Variants in KCNMB2 observed in about 807,000 individuals in gnomAD.
KCNMB2 encodes the protein potassium calcium-activated channel subfamily M regulatory beta subunit 2.
Under a neutral mutation model 24.5 loss-of-function variants are expected in KCNMB2, and 9 were observed. The observed-to-expected ratio is 0.37, with a 90% CI of 0.22 to 0.64. The LOEUF (loss-of-function observed/expected upper bound fraction) is 0.64. Ranked by LOEUF, KCNMB2 falls within the 30% of genes least tolerant of loss-of-function variation. KCNMB2 has a pLI of 0.63. For missense variants in KCNMB2, 226 were observed against 284.3 expected, an observed-to-expected ratio of 0.79 and a Z score of 1.47; for synonymous variants, 109 against 104.4, an observed-to-expected ratio of 1.04 and a Z score of -0.27.
chr3:178,830,782 G>A (rs932470113), intron 4 of KCNMB2, among the ~76,000 whole-genome samples: 13 of 152,070 alleles, frequency 8.5e-5, no homozygotes, highest in Admixed American at 2.0e-4. Context: ...CTGTGGAATT[G>A]TTTCTTCTTT....
intron 1 of KCNMB2, among the ~76,000 whole-genome samples, chr3:178,669,828 G>C (rs1720839950): frequency 6.6e-6 from 1 of 151,992 alleles, no homozygotes; most frequent in Non-Finnish European, 1.5e-5. Context: ...TAAAGGAAGA[G>C]CAGAATTTTA....
At chr3:178,566,418 G>GCACACTTGCACATGTGCACACA (rs1419877367) in intron 1 of KCNMB2, among the ~76,000 whole-genome samples, 2 of 151,816 alleles carry the variant, frequency 1.3e-5, no homozygotes, top group Non-Finnish European at 2.9e-5. Flanking sequence ...AAACACACAC[G>GCACACTTGCACATGTGCACACA]CACACTTGCA....
chr3:178,821,318 C>T (rs1039207458), intron 2 of KCNMB2, among the ~76,000 whole-genome samples: 1 of 152,132 alleles, frequency 6.6e-6, no homozygotes, highest in Non-Finnish European at 1.5e-5. Context: ...TGGCATCATG[C>T]TCCTTCCAAC....
intron 2 of KCNMB2, among the ~76,000 whole-genome samples, chr3:178,812,918 G>A (rs79217413): frequency 1.8e-4 from 27 of 152,168 alleles, no homozygotes; most frequent in Admixed American, 1.7e-3. Context: ...AGTCAGAAGT[G>A]TATTTACTAT....
chr3:178,716,646 T>C (rs1056040231), intron 1 of KCNMB2, among the ~76,000 whole-genome samples: 2 of 152,126 alleles, frequency 1.3e-5, no homozygotes, highest in Non-Finnish European at 1.5e-5. Flanking sequence ...TTTTGCCATG[T>C]TGGCCAGGCT....
chr3:178,758,529 T>TATATATATATATATATATCCAAGAGGAG (rs1724322114), intron 1 of KCNMB2, among the ~76,000 whole-genome samples: 3 of 31,880 alleles, frequency 9.4e-5, no homozygotes, highest in African/African-American at 5.0e-4. Flanking sequence ...AGGAGATGTA[T>TATATATATATATATATATCCAAGAGGAG]ATATATATAT....
At chr3:178,733,802 G>T (rs891660657) in intron 1 of KCNMB2, among the ~76,000 whole-genome samples, 3 of 152,118 alleles carry the variant, frequency 2.0e-5, no homozygotes, top group South Asian at 4.1e-4. Context: ...GTGATCATCT[G>T]GTTTCTGTAT....
At chr3:178,802,645 A>G (rs1025851811) in intron 1 of KCNMB2, among the ~76,000 whole-genome samples, 4 of 152,208 alleles carry the variant, frequency 2.6e-5, no homozygotes, top group African/African-American at 9.6e-5. Flanking sequence ...CATTAATGCC[A>G]GAGGCCCACT....
At chr3:178,660,528 A>T (rs9827526) in intron 1 of KCNMB2, among the ~76,000 whole-genome samples, 1,880 of 152,230 alleles carry the variant, frequency 0.012, 30 homozygotes, top group African/African-American at 0.043. Context: ...AATTCCAGCC[A>T]TGTCTCTCAG....
chr3:178,579,115 T>C (rs1412780610), intron 1 of KCNMB2, among the ~76,000 whole-genome samples: 1 of 152,130 alleles, frequency 6.6e-6, no homozygotes, highest in Non-Finnish European at 1.5e-5. Flanking sequence ...ATTGACCACA[T>C]AATTGGAAGT....
At chr3:178,752,774 T>TAA (rs1723894466) in intron 1 of KCNMB2, among the ~76,000 whole-genome samples, 1 of 151,684 alleles carries the variant, frequency 6.6e-6, no homozygotes, top group South Asian at 2.1e-4. Flanking sequence ...TGAAGGAGAG[T>TAA]AGAAATTAAA....
chr3:178,712,848 G>A (rs971031158), intron 1 of KCNMB2, among the ~76,000 whole-genome samples: 5 of 152,064 alleles, frequency 3.3e-5, no homozygotes, highest in Non-Finnish European at 7.4e-5. Context: ...ATTTTATTCT[G>A]TGAACTTCGT....
intron 1 of KCNMB2, among the ~76,000 whole-genome samples, chr3:178,557,318 T>C (rs1716158824): frequency 6.6e-6 from 1 of 152,158 alleles, no homozygotes; most frequent in Admixed American, 6.5e-5. Flanking sequence ...CTCTTTTTCC[T>C]CTGAGATGAG....
chr3:178,790,777 T>C (rs1275947393), intron 1 of KCNMB2, among the ~76,000 whole-genome samples: 1 of 152,216 alleles, frequency 6.6e-6, no homozygotes, highest in Non-Finnish European at 1.5e-5. Flanking sequence ...ACTTCATTTC[T>C]TCAGGGAAAA....
At chr3:178,793,116 C>G (rs1303927828) in intron 1 of KCNMB2, among the ~76,000 whole-genome samples, 1 of 152,224 alleles carries the variant, frequency 6.6e-6, no homozygotes, top group Non-Finnish European at 1.5e-5. Flanking sequence ...ATACACAGCC[C>G]TGCTCTCAGA....
At chr3:178,730,547 G>A (rs1723115764) in intron 1 of KCNMB2, among the ~76,000 whole-genome samples, 1 of 151,886 alleles carries the variant, frequency 6.6e-6, no homozygotes, top group African/African-American at 2.4e-5. Context: ...GTGCTTCTTC[G>A]TAAAATGTAA....
chr3:178,806,939 A>G (rs1713994753), intron 1 of KCNMB2, among the ~76,000 whole-genome samples: 1 of 152,204 alleles, frequency 6.6e-6, no homozygotes, highest in Admixed American at 6.5e-5. Flanking sequence ...AAACAGATTG[A>G]AGAGGAAAGA....
chr3:178,828,100 A>G lies in KCNMB2; in HGVS notation c.228-78A>G. 2.7e-6 allele frequency: 3 copies of G among 1,099,184 alleles called. No homozygotes were observed. In the South Asian group the frequency reaches 4.6e-5, roughly 17 times the overall value. The allele number at this position is 1,099,184 out of a possible 1,614,324, so 68.1% of individuals were successfully genotyped here. A position where few individuals can be genotyped will look rare whatever the true frequency, so the allele number is the denominator to read the frequency against. On this transcript the variant is annotated intron_variant, in intron 3 of 4. Transcript: ENST00000452583. Reference sequence around the variant, plus strand: ...AAAGATTTTTCAGCTTCAGGAGATGAGAAATAATTCCCTCGGACTATACCT... The same window carrying G: ...AAAGATTTTTCAGCTTCAGGAGATGGGAAATAATTCCCTCGGACTATACCT...
chr3:178,685,708 C>T (rs898763486), intron 1 of KCNMB2, among the ~76,000 whole-genome samples: 10 of 152,218 alleles, frequency 6.6e-5, no homozygotes, highest in Admixed American at 2.6e-4. Flanking sequence ...TATTTCCTCA[C>T]CACGAAGTTA....
Sources: allele counts gnomAD v4.1 joint callset (sites outside exome capture counted in the v4.1 genomes callset), GRCh38; gene constraint gnomAD v4.1.1; transcripts MANE v1.5; gene names NCBI Gene and HGNC (gene_info 2026-07-23, HGNC 2026-07-21).